The following TRIP4 variants were observed in gnomAD, a reference collection of about 807,000 sequenced individuals.
TRIP4 encodes the protein activating signal cointegrator 1.
Under a neutral mutation model 81.8 loss-of-function variants are expected in TRIP4, and 54 were observed. The observed-to-expected ratio is 0.66, with a 90% confidence interval of 0.53 to 0.83. TRIP4 has a LOEUF of 0.83. Ranked by LOEUF, TRIP4 falls within the 40% of genes least tolerant of loss-of-function variation. TRIP4 has a pLI of 0.00. For missense variants in TRIP4, 662 were observed against 683.6 expected, an observed-to-expected ratio of 0.97 and a Z score of 0.35; for synonymous variants, 270 against 242.8, an observed-to-expected ratio of 1.11 and a Z score of -1.04.
intron 9 of TRIP4, 59 bp from the exon 10 acceptor site, chr15:64,423,972 T>C: frequency 1.2e-6 from 2 of 1,601,222 alleles, no homozygotes; most frequent in Non-Finnish European, 8.5e-7. Context: ...TTATATATTA[T>C]GGGATATTCC....
intron 5 of TRIP4, among the ~76,000 whole-genome samples, chr15:64,401,118 C>G (rs1365678381): frequency 6.6e-6 from 1 of 151,312 alleles, no homozygotes; most frequent in Admixed American, 6.6e-5. Context: ...TGTGCCACCA[C>G]GCGTAGCTAA....
chr15:64,391,334 T>G (rs1405241393), intron 1 of TRIP4, among the ~76,000 whole-genome samples: 1 of 151,712 alleles, frequency 6.6e-6, no homozygotes, highest in African/African-American at 2.4e-5. Context: ...TTTTTGTATT[T>G]TTAGTGGAGA....
At chr15:64,411,352 A>G (rs576418657) in intron 7 of TRIP4, among the ~76,000 whole-genome samples, 1 of 152,346 alleles carries the variant, frequency 6.6e-6, no homozygotes, top group South Asian at 2.1e-4. Context: ...CAGTTGTAAC[A>G]AATGTACCAC....
intron 5 of TRIP4, among the ~76,000 whole-genome samples, chr15:64,402,613 A>T (rs921656036): frequency 8.8e-5 from 13 of 148,280 alleles, no homozygotes; most frequent in African/African-American, 3.2e-4. Context: ...AACCTCCGCC[A>T]CTTGGGTTCA....
intron 9 of TRIP4, among the ~76,000 whole-genome samples, chr15:64,423,461 C>CAAA (rs58166289): frequency 1.8e-4 from 13 of 71,114 alleles, no homozygotes; most frequent in African/African-American, 3.5e-4. Context: ...GACTCCGTCT[C>CAAA]AAAAAAAAAA....
chr15:64,399,543 C>G (rs1891440690), intron 4 of TRIP4, among the ~76,000 whole-genome samples: 1 of 151,884 alleles, frequency 6.6e-6, no homozygotes, highest in South Asian at 2.1e-4. Flanking sequence ...GTCTCACTCT[C>G]TTGCCCAGCC....
chr15:64,436,418 C>G (rs1024590398), intron 11 of TRIP4, among the ~76,000 whole-genome samples: 1 of 151,924 alleles, frequency 6.6e-6, no homozygotes, highest in African/African-American at 2.4e-5. Context: ...ATGGTGAAAC[C>G]CTGTCTCTAC....
intron 11 of TRIP4, among the ~76,000 whole-genome samples, chr15:64,426,910 G>T (rs1034761043): frequency 2.6e-5 from 4 of 151,096 alleles, no homozygotes; most frequent in African/African-American, 2.4e-5. Flanking sequence ...TGAGGCAGGA[G>T]AATTTCCTGA....
intron 11 of TRIP4, among the ~76,000 whole-genome samples, chr15:64,441,690 G>A (rs1013421704): frequency 5.3e-5 from 8 of 152,068 alleles, no homozygotes; most frequent in African/African-American, 1.9e-4. Context: ...GGAGAATGGT[G>A]TGAACCCGGG....
intron 9 of TRIP4, among the ~76,000 whole-genome samples, chr15:64,422,393 T>C (rs562962168): frequency 3.9e-5 from 6 of 152,364 alleles, no homozygotes; most frequent in African/African-American, 1.4e-4. Flanking sequence ...TAATCATTTC[T>C]ACTTTGGTAG....
At position 64,391,179 on chromosome 15, in the gene TRIP4, C is replaced by T. The variant is rs544081377; in HGVS notation, c.102-2767C>T. On this transcript the variant is annotated intron_variant, in intron 1 of 12. Transcript: ENST00000261884. ...ACTTTTTTTTTTTTCTTTTTTGAGA[C>T]GGAGTCTCACTCTGTCGCCCAGGCT... Among the ~76,000 whole-genome samples, 577 of 150,822 alleles carry T rather than the reference C, an allele frequency of 3.8e-3. 5 individuals carry two copies. The highest frequency in any genetic ancestry group is 0.014 in the African/African-American group (555 of 41,074).
chr15:64,436,336 G>C (rs1436498777), intron 11 of TRIP4, among the ~76,000 whole-genome samples: 1 of 151,646 alleles, frequency 6.6e-6, no homozygotes. Flanking sequence ...GCTTACGCCT[G>C]TAATTCCAGC....
At position 64,455,294 on chromosome 15, in the gene TRIP4, A is replaced by G; in HGVS notation, c.*230A>G. The G allele has an allele frequency of 2.5e-6, 1 of 398,292 alleles. No homozygotes were observed. Among genetic ancestry groups the G allele is most frequent in the Non-Finnish European group, 4.6e-6 (1 of 218,438 alleles). 24.7% of individuals were successfully genotyped at this position (398,292 alleles called of 1,614,324 possible). Reference sequence around the variant, plus strand: ...CACATTATTTATAAAAACCTGTTTAAAAATTCTAAGTCTTTTGACATTTTT... The same window carrying G: ...CACATTATTTATAAAAACCTGTTTAGAAATTCTAAGTCTTTTGACATTTTT... On this transcript the variant is annotated 3_prime_UTR_variant, in exon 13 of 13. Coordinates refer to ENST00000261884, the MANE Select transcript of TRIP4 (RefSeq NM_016213.5).
intron 5 of TRIP4, among the ~76,000 whole-genome samples, chr15:64,403,670 TG>T: frequency 6.6e-6 from 1 of 152,226 alleles, no homozygotes; most frequent in East Asian, 1.9e-4. Context: ...TATTCATAAT[TG>T]TTTTTAGTAG....
intron 11 of TRIP4, among the ~76,000 whole-genome samples, chr15:64,438,439 C>A (rs1296697874): frequency 6.6e-6 from 1 of 152,232 alleles, no homozygotes; most frequent in Non-Finnish European, 1.5e-5. Flanking sequence ...CCTGCCTCAG[C>A]CTCCCAAGTA....
At chr15:64,449,633 T>C (rs966959207) in intron 12 of TRIP4, among the ~76,000 whole-genome samples, 21 of 152,120 alleles carry the variant, frequency 1.4e-4, no homozygotes, top group African/African-American at 4.3e-4. Flanking sequence ...GTGTATACTT[T>C]GATTTGTTTG....
At chr15:64,424,783 T>A (rs1479953709) in intron 10 of TRIP4, among the ~76,000 whole-genome samples, 1 of 152,166 alleles carries the variant, frequency 6.6e-6, no homozygotes, top group African/African-American at 2.4e-5. Flanking sequence ...CTTTTCTTTT[T>A]TATTTTTTTT....
At chr15:64,450,559 CAA>C (rs546508318) in intron 12 of TRIP4, 7 of 409,712 alleles carry the variant, frequency 1.7e-5, no homozygotes, top group Non-Finnish European at 3.0e-5. Context: ...ACAGCTGGCC[CAA>C]GAGTTGCCTC....
At chr15:64,422,573 A>C (rs11071797) in intron 9 of TRIP4, among the ~76,000 whole-genome samples, 133,748 of 152,184 alleles carry the variant, frequency 0.88, 59,785 homozygotes, top group East Asian at 0.96. Flanking sequence ...GATGATCAAA[A>C]CCTTAGATGT....
Sources: allele counts gnomAD v4.1 joint callset (sites outside exome capture counted in the v4.1 genomes callset), GRCh38; gene constraint gnomAD v4.1.1; transcripts MANE v1.5; gene names NCBI Gene and HGNC (gene_info 2026-07-23, HGNC 2026-07-21).